The following KCNN3 variants were observed in gnomAD, a reference collection of about 807,000 sequenced individuals.
KCNN3 encodes the protein small conductance calcium-activated potassium channel protein 3.
Under a neutral mutation model 62.9 loss-of-function variants are expected in KCNN3, and 16 were observed. The ratio of observed to expected loss-of-function variants is 0.25; its 90% CI spans 0.17 to 0.39. The LOEUF (loss-of-function observed/expected upper bound fraction) is 0.39. Ranked by LOEUF, KCNN3 falls within the 10% of genes least tolerant of loss-of-function variation. The pLI is 1.00. For missense variants in KCNN3, 599 were observed against 949.4 expected (o/e 0.63, Z 4.85); for synonymous variants, 370 against 389.2 (o/e 0.95, Z 0.58).
At chr1:154,766,776 T>TTCACGCCATTCTCCTGTCCCAGCC (rs1648310974) in intron 3 of KCNN3, among the ~76,000 whole-genome samples, 1 of 150,724 alleles carries the variant, frequency 6.6e-6, no homozygotes, top group Non-Finnish European at 1.5e-5. Context: ...GCCTCCTGGG[T>TTCACGCCATTCTCCTGTCCCAGCC]TCACGCCATT....
At chr1:154,729,211 G>A (rs973270262) in intron 4 of KCNN3, among the ~76,000 whole-genome samples, 2 of 152,180 alleles carry the variant, frequency 1.3e-5, no homozygotes, top group Non-Finnish European at 2.9e-5. Context: ...CTTCCCTGGG[G>A]TCAGACTGGG....
chr1:154,758,941 G>GGGT (rs1647871378), intron 3 of KCNN3, among the ~76,000 whole-genome samples: 1 of 152,074 alleles, frequency 6.6e-6, no homozygotes, highest in Non-Finnish European at 1.5e-5. Flanking sequence ...GTGAGTAGCT[G>GGGT]GGATTACAGG....
At chr1:154,740,382 A>G (rs1198602614) in intron 3 of KCNN3, among the ~76,000 whole-genome samples, 1 of 152,218 alleles carries the variant, frequency 6.6e-6, no homozygotes, top group East Asian at 1.9e-4. Context: ...TCCTGGGCTC[A>G]AGAGATTCTC....
intron 5 of KCNN3, among the ~76,000 whole-genome samples, chr1:154,723,070 A>G (rs755329244): frequency 6.6e-5 from 10 of 152,160 alleles, no homozygotes; most frequent in Non-Finnish European, 1.5e-5. Context: ...CCAGCTTGAT[A>G]CAATGGACCA....
chr1:154,788,893 G>A (rs1322430567), intron 2 of KCNN3, among the ~76,000 whole-genome samples: 1 of 152,214 alleles, frequency 6.6e-6, no homozygotes, highest in Non-Finnish European at 1.5e-5. Flanking sequence ...GAGGCATGAA[G>A]AGATTAAGTG....
Position 154,869,289 on chromosome 1 carries a change from C to G in KCNN3, c.676G>C (p.Asp226His). ...PPEIVISSRE[D>H]NHAHQTLLHH... ...AGCAGGGTCTGGTGGGCATGGTTGT[C>G]CTCCCGGGAGGAGATGACGATCTCC... Residue 226 changes from aspartate (D) to histidine (H), a missense_variant, in exon 1 of 8, where the codon GAC becomes CAC. Physicochemically the swap from Asp to His is moderately conservative, Grantham distance 81 (BLOSUM62 -1). This residue lies in a region of KCNN3 where 80 missense variants were observed against 85.4 expected (regional missense o/e 0.94). Transcript: ENST00000271915. The surrounding 1 kb of genome is among the most constrained non-coding windows in gnomAD (Gnocchi z 6.1). The G allele has an allele frequency of 6.2e-7, 1 of 1,613,836 alleles. No homozygotes were observed. The highest frequency in any genetic ancestry group is 8.5e-7 in the Non-Finnish European group (1 of 1,179,918).
intron 2 of KCNN3, among the ~76,000 whole-genome samples, chr1:154,774,999 GAC>G (rs1435982082): frequency 6.6e-6 from 1 of 152,270 alleles, no homozygotes; most frequent in Non-Finnish European, 1.5e-5. Context: ...GTAACAGAGA[GAC>G]TGGATCAGCG....
chr1:154,713,932 GTTTGT>G (rs1439866669), intron 6 of KCNN3, among the ~76,000 whole-genome samples: 1 of 146,358 alleles, frequency 6.8e-6, no homozygotes, highest in Non-Finnish European at 1.5e-5. Context: ...ATCAGCCACG[GTTTGT>G]TTTGATTTGA....
At chr1:154,782,217 G>A (rs1649081063) in intron 2 of KCNN3, among the ~76,000 whole-genome samples, 1 of 152,202 alleles carries the variant, frequency 6.6e-6, no homozygotes, top group African/African-American at 2.4e-5. Context: ...GGAGACCACA[G>A]ACCCACTCCC....
At chr1:154,852,430 A>G (rs1652342696) in intron 1 of KCNN3, among the ~76,000 whole-genome samples, 1 of 149,316 alleles carries the variant, frequency 6.7e-6, no homozygotes, top group Non-Finnish European at 1.5e-5. Context: ...CCCAGGCTGG[A>G]CTCGAACTCC....
intron 2 of KCNN3, among the ~76,000 whole-genome samples, chr1:154,773,962 C>T (rs1018621127): frequency 7.2e-5 from 11 of 152,154 alleles, no homozygotes; most frequent in East Asian, 1.9e-4. Flanking sequence ...GAAGTGTTCA[C>T]GGCACGGACT....
intron 3 of KCNN3, among the ~76,000 whole-genome samples, chr1:154,766,961 G>A (rs1363478989): frequency 3.3e-5 from 5 of 152,092 alleles, no homozygotes; most frequent in African/African-American, 1.2e-4. Flanking sequence ...GATTACAGGC[G>A]TGAGCCACCG....
intron 3 of KCNN3, among the ~76,000 whole-genome samples, chr1:154,743,883 T>C (rs1700880730): frequency 6.6e-6 from 1 of 152,214 alleles, no homozygotes; most frequent in Non-Finnish European, 1.5e-5. Flanking sequence ...CCACTTACTG[T>C]GGGTTTATTG....
intron 2 of KCNN3, among the ~76,000 whole-genome samples, chr1:154,802,722 C>A (rs893886332): frequency 2.0e-5 from 3 of 152,192 alleles, no homozygotes; most frequent in Non-Finnish European, 4.4e-5. Flanking sequence ...AACCCTCCAG[C>A]CAGGGCTAGG....
chr1:154,866,887 C>A (rs1182052908), intron 1 of KCNN3, among the ~76,000 whole-genome samples: 2 of 152,218 alleles, frequency 1.3e-5, no homozygotes, highest in Non-Finnish European at 2.9e-5. Context: ...TGAGCTCCCC[C>A]TCAGGGGTGG....
At chr1:154,761,847 A>G (rs1648030900) in intron 3 of KCNN3, among the ~76,000 whole-genome samples, 1 of 151,538 alleles carries the variant, frequency 6.6e-6, no homozygotes, top group South Asian at 2.1e-4. Context: ...GGCTGAGGCA[A>G]GATAATTGCT....
chr1:154,739,781 A>C (rs537400960), intron 3 of KCNN3, among the ~76,000 whole-genome samples: 3 of 152,376 alleles, frequency 2.0e-5, no homozygotes, highest in Non-Finnish European at 4.4e-5. Flanking sequence ...GGGAGAATCC[A>C]CAGGCCATGT....
At chr1:154,715,547 CTCTT>C (rs1296141683) in intron 5 of KCNN3, among the ~76,000 whole-genome samples, 4 of 146,426 alleles carry the variant, frequency 2.7e-5, no homozygotes, top group Non-Finnish European at 5.9e-5. Flanking sequence ...TTCTTTCTTT[CTCTT>C]TCTTTCTTCC....
At chr1:154,837,432 C>T (rs562874954) in intron 1 of KCNN3, among the ~76,000 whole-genome samples, 9 of 152,262 alleles carry the variant, frequency 5.9e-5, no homozygotes, top group East Asian at 1.9e-4. Context: ...CATGAGCCAC[C>T]GCGCCCAGCC....
Sources: gnomAD v4.1 joint callset for allele counts (sites outside exome capture counted in the v4.1 genomes callset) on GRCh38, gnomAD v4.1.1 for gene constraint, gnomAD v4.1.1 regional missense constraint, Gnocchi (gnomAD v3.1) non-coding constraint, MANE v1.5 for transcripts, NCBI Gene and HGNC (gene_info 2026-07-23, HGNC 2026-07-21) for gene names.